Variants in SHQ1 observed in about 807,000 individuals in gnomAD.
SHQ1 encodes the protein SHQ1, H/ACA ribonucleoprotein assembly factor.
A neutral mutation model predicts 53.8 loss-of-function variants in SHQ1; 49 were observed. That is an observed-to-expected ratio of 0.91 (90% confidence interval 0.72 to 1.16). The LOEUF is 1.16. SHQ1 is among the 50% of genes most tolerant of loss of function. SHQ1 has a pLI of 0.00. For synonymous variants in SHQ1, 243 were observed against 251.0 expected, an observed-to-expected ratio of 0.97 and a Z score of 0.30; for missense variants, 738 against 683.1, an observed-to-expected ratio of 1.08 and a Z score of -0.90.
At chr3:72,751,098 G>A (rs1213607442) in intron 10 of SHQ1, among the ~76,000 whole-genome samples, 1 of 152,152 alleles carries the variant, frequency 6.6e-6, no homozygotes, top group African/African-American at 2.4e-5. Context: ...ACAAAAGACT[G>A]ATAAATTCAA....
intron 10 of SHQ1, among the ~76,000 whole-genome samples, chr3:72,766,165 A>G (rs1705724445): frequency 6.6e-6 from 1 of 152,104 alleles, no homozygotes; most frequent in Non-Finnish European, 1.5e-5. Flanking sequence ...TGTGGGACCT[A>G]GCTTATTCCT....
downstream of SHQ1, among the ~76,000 whole-genome samples, chr3:72,748,647 C>T (rs992690528): frequency 4.6e-5 from 7 of 152,074 alleles, no homozygotes; most frequent in Non-Finnish European, 7.4e-5. Flanking sequence ...GCTGAGATCA[C>T]GCCACTGCAT....
intron 9 of SHQ1, among the ~76,000 whole-genome samples, chr3:72,811,933 T>G (rs1298133541): frequency 6.6e-6 from 1 of 152,220 alleles, no homozygotes; most frequent in Non-Finnish European, 1.5e-5. Flanking sequence ...GTACTAAAAG[T>G]GACTTTTAAA....
chr3:72,812,590 C>A, intron 9 of SHQ1, 81 bp downstream of exon 9: 1 of 1,531,998 alleles, frequency 6.5e-7, no homozygotes, highest in South Asian at 1.2e-5. Flanking sequence ...AGTAAAAAAG[C>A]AAAAATCATT....
intron 7 of SHQ1, among the ~76,000 whole-genome samples, chr3:72,815,954 C>T (rs1297272630): frequency 1.3e-5 from 2 of 152,170 alleles, no homozygotes; most frequent in East Asian, 3.8e-4. Flanking sequence ...TACCTAAACA[C>T]TCATCTTTTC....
At chr3:72,772,646 A>C (rs1559665127) in intron 10 of SHQ1, 2 of 710,714 alleles carry the variant, frequency 2.8e-6, no homozygotes, top group East Asian at 5.2e-5. Context: ...GAAACAGAAG[A>C]TGTACTAGAC....
chr3:72,838,583 C>A (rs1385702124), intron 4 of SHQ1, among the ~76,000 whole-genome samples: 1 of 152,204 alleles, frequency 6.6e-6, no homozygotes, highest in Non-Finnish European at 1.5e-5. Flanking sequence ...CTCCCTGCAA[C>A]CTCTGCCTCC....
chr3:72,815,306 T>C, intron 8 of SHQ1, 44 bp downstream of exon 8: 1 of 1,554,818 alleles, frequency 6.4e-7, no homozygotes, highest in Non-Finnish European at 8.9e-7. Flanking sequence ...CAAAAATAAC[T>C]TCCTGAACAA....
chr3:72,750,073 A>G lies in SHQ1; in HGVS notation c.*211T>C. The G allele has an allele frequency of 1.8e-6, 1 of 552,362 alleles. No homozygotes were observed. The allele number at this position is 552,362 out of a possible 1,614,324, so 34.2% of individuals were successfully genotyped here. Reference sequence around the variant, plus strand: ...CTGTATTATTTAGAGAATAATAACAAGAAAAAAGTCTGTACATGTTTGGTA... The same window carrying G: ...CTGTATTATTTAGAGAATAATAACAGGAAAAAAGTCTGTACATGTTTGGTA... On this transcript the variant is annotated 3_prime_UTR_variant, in exon 11 of 11. Coordinates refer to ENST00000325599, the MANE Select transcript of SHQ1 (RefSeq NM_018130.3).
the SHQ1 span, among the ~76,000 whole-genome samples, chr3:72,738,153 T>C: frequency 6.6e-6 from 1 of 152,168 alleles, no homozygotes; most frequent in Admixed American, 6.5e-5. Context: ...TGGGAGATCT[T>C]CCATGGCTCC....
Position 72,824,423 on chromosome 3 carries a change from C to T in SHQ1, c.727+1G>A, listed in dbSNP as rs769320383. On this transcript the variant is annotated splice_donor_variant, in intron 6 of 10. Transcript: ENST00000325599. LOFTEE classifies it high-confidence loss of function. ...AAATTAGCCGAATTTGAGTTTCTTA[C>T]CTAATGTAGCATGATTTTCTTGTTC... 6.2e-7 allele frequency: 1 copy of T among 1,609,840 alleles called. No individual in the cohort carries two copies. Among genetic ancestry groups the T allele is most frequent in the East Asian group, 2.2e-5 (1 of 44,702 alleles).
At chr3:72,752,232 A>T (rs780343960) in intron 10 of SHQ1, among the ~76,000 whole-genome samples, 4 of 152,204 alleles carry the variant, frequency 2.6e-5, no homozygotes, top group Admixed American at 1.3e-4. Context: ...CATATATATA[A>T]AAAGGGAAAA....
intron 5 of SHQ1, among the ~76,000 whole-genome samples, chr3:72,831,429 A>T (rs1707816075): frequency 6.6e-6 from 1 of 152,270 alleles, no homozygotes; most frequent in South Asian, 2.1e-4. Context: ...CAAGCCACTT[A>T]GTAGTAGTGT....
At chr3:72,821,888 G>C (rs1220964740) in intron 6 of SHQ1, among the ~76,000 whole-genome samples, 2 of 152,116 alleles carry the variant, frequency 1.3e-5, no homozygotes, top group Admixed American at 1.3e-4. Context: ...ATTTGAACCA[G>C]GATTTTTCAA....
chr3:72,811,269 G>A (rs1363958992), intron 9 of SHQ1, among the ~76,000 whole-genome samples: 3 of 152,072 alleles, frequency 2.0e-5, no homozygotes, highest in Admixed American at 6.6e-5. Context: ...CAGGATAATC[G>A]CAAACTGCAT....
At chr3:72,751,599 A>T (rs1030667084) in intron 10 of SHQ1, among the ~76,000 whole-genome samples, 2 of 150,492 alleles carry the variant, frequency 1.3e-5, no homozygotes, top group African/African-American at 2.5e-5. Context: ...TAACAATCCA[A>T]CAGAAAAATG....
At position 72,848,118 on chromosome 3, in the gene SHQ1, C is replaced by G. The variant is rs1274145410; in HGVS notation, c.143+80G>C. 6 of 1,554,986 alleles carry G rather than the reference C, an allele frequency of 3.9e-6. No individual in the cohort carries two copies. In the African/African-American group the frequency reaches 4.1e-5, roughly 11 times the overall value. On this transcript the variant is annotated intron_variant, in intron 1 of 10. Transcript: ENST00000325599. ...AAGGCATTCGCGCAATCGAGCACTG[C>G]TCTCTCGACCTTGCATTCTCCCTCT...
At position 72,842,340 on chromosome 3, in the gene SHQ1, A is replaced by C. The variant is rs773422943; in HGVS notation, c.271T>G (p.Leu91Val). The change falls in exon 3 of 11, where the codon TTA (leucine) becomes GTA (valine). Residue 91 changes from leucine (L) to valine (V), a missense_variant. Transcript: ENST00000325599. Reference sequence around the variant, plus strand: ...TTTCTTGGTGCCAGAAGAGCAGTTAACATGTTCAGCCCCTCAAAATGCTGG... The same window carrying C: ...TTTCTTGGTGCCAGAAGAGCAGTTACCATGTTCAGCCCCTCAAAATGCTGG... Reference protein sequence around the residue: ...PGQHFEGLNMLTALLAPRKSR... With the variant: ...PGQHFEGLNMVTALLAPRKSR... 6.2e-7 allele frequency: 1 copy of C among 1,614,018 alleles called. No individual in the cohort carries two copies. The highest frequency in any genetic ancestry group is 1.3e-5 in the African/African-American group (1 of 75,046).
intron 10 of SHQ1, chr3:72,773,429 C>T (rs1268326943): frequency 2.4e-6 from 1 of 413,112 alleles, no homozygotes; most frequent in African/African-American, 2.1e-5. Flanking sequence ...GTGAAATCCC[C>T]ATCACCAAAA....
Sources: allele counts gnomAD v4.1 joint callset (sites outside exome capture counted in the v4.1 genomes callset), GRCh38; gene constraint gnomAD v4.1.1; transcripts MANE v1.5; gene names NCBI Gene and HGNC (gene_info 2026-07-23, HGNC 2026-07-21).